Variants in RPGRIP1L observed in about 807,000 individuals in gnomAD.
RPGRIP1L encodes the protein protein fantom.
Under a neutral mutation model 160.4 loss-of-function variants are expected in RPGRIP1L, and 131 were observed. The ratio of observed to expected loss-of-function variants is 0.82; its 90% CI spans 0.71 to 0.94. RPGRIP1L has a LOEUF of 0.94. RPGRIP1L is among the 40% of genes least tolerant of loss of function. The pLI is 0.00. For missense variants in RPGRIP1L, 1,522 were observed against 1,535.8 expected (o/e 0.99, Z 0.15); for synonymous variants, 510 against 515.8 (o/e 0.99, Z 0.15).
intron 9 of RPGRIP1L, 105 bp downstream of exon 9, chr16:53,671,405 G>A: frequency 1.3e-6 from 1 of 741,432 alleles, no homozygotes; most frequent in Non-Finnish European, 2.4e-6. Context: ...GCTATCATTT[G>A]TTGCTAATTC....
chr16:53,623,166 G>C (rs184855156), intron 22 of RPGRIP1L, among the ~76,000 whole-genome samples: 1 of 152,190 alleles, frequency 6.6e-6, no homozygotes, highest in African/African-American at 2.4e-5. Context: ...TTCTCATGGG[G>C]GTAACTAATA....
At chr16:53,697,507 G>A (rs1178977335) in intron 2 of RPGRIP1L, among the ~76,000 whole-genome samples, 4 of 152,032 alleles carry the variant, frequency 2.6e-5, no homozygotes, top group Admixed American at 1.3e-4. Context: ...GATTGCAGGC[G>A]CACGCCGCCA....
intron 6 of RPGRIP1L, among the ~76,000 whole-genome samples, chr16:53,676,629 AATTT>A (rs945846544): frequency 6.6e-5 from 10 of 151,746 alleles, no homozygotes; most frequent in African/African-American, 2.2e-4. Context: ...AAAGTATGAT[AATTT>A]ATTTATTTAT....
At chr16:53,702,401 T>C (rs796185397) in intron 1 of RPGRIP1L, among the ~76,000 whole-genome samples, 109 of 152,326 alleles carry the variant, frequency 7.2e-4, no homozygotes, top group African/African-American at 2.6e-3. Context: ...TAATGAATTA[T>C]CCAGCCCAAA....
intron 6 of RPGRIP1L, among the ~76,000 whole-genome samples, chr16:53,684,120 T>G (rs894292392): frequency 2.6e-5 from 4 of 152,050 alleles, no homozygotes; most frequent in African/African-American, 9.7e-5. Context: ...TGTGGAGAAA[T>G]AGGAACACTT....
chr16:53,627,821 CTATT>C (rs1567810932), intron 22 of RPGRIP1L, among the ~76,000 whole-genome samples: 1 of 151,046 alleles, frequency 6.6e-6, no homozygotes, highest in Non-Finnish European at 1.5e-5. Flanking sequence ...GTACAGAATC[CTATT>C]TATATTGCAT....
chr16:53,611,307 A>C (rs1964019291), intron 24 of RPGRIP1L, among the ~76,000 whole-genome samples: 1 of 152,208 alleles, frequency 6.6e-6, no homozygotes, highest in African/African-American at 2.4e-5. Flanking sequence ...GTGCCACATC[A>C]CCGTCACTGC....
intron 24 of RPGRIP1L, among the ~76,000 whole-genome samples, chr16:53,612,410 C>A (rs896222226): frequency 4.0e-5 from 6 of 151,308 alleles, no homozygotes; most frequent in Non-Finnish European, 7.4e-5. Context: ...GTCATGCTAA[C>A]AGATCACTGG....
At chr16:53,688,510 C>T (rs1204599566) in intron 4 of RPGRIP1L, among the ~76,000 whole-genome samples, 1 of 151,972 alleles carries the variant, frequency 6.6e-6, no homozygotes, top group East Asian at 1.9e-4. Flanking sequence ...CATTTCCCTG[C>T]TGCACTTAAA....
At chr16:53,622,799 C>CCA (rs201959082) in intron 22 of RPGRIP1L, among the ~76,000 whole-genome samples, 7,715 of 135,794 alleles carry the variant, frequency 0.057, 288 homozygotes, top group African/African-American at 0.1. Context: ...AAAACAAAAA[C>CCA]CACACACACA....
At chr16:53,670,747 G>A (rs1472581921) in intron 9 of RPGRIP1L, among the ~76,000 whole-genome samples, 1 of 152,148 alleles carries the variant, frequency 6.6e-6, no homozygotes, top group Non-Finnish European at 1.5e-5. Context: ...AAGCTGGGGA[G>A]TCTAAGAAAG....
intron 22 of RPGRIP1L, among the ~76,000 whole-genome samples, chr16:53,631,710 A>C (rs1391939184): frequency 6.6e-6 from 1 of 152,116 alleles, no homozygotes; most frequent in African/African-American, 2.4e-5. Context: ...AAAGTTTTAC[A>C]TCTCTCAGAA....
chr16:53,636,375 T>C (rs1286764765), intron 22 of RPGRIP1L, 64 bp downstream of exon 22: 2 of 1,065,414 alleles, frequency 1.9e-6, no homozygotes, highest in East Asian at 2.4e-5. Flanking sequence ...GAAGACTACA[T>C]ATGTACTGTG....
At chr16:53,632,888 C>T (rs1156419734) in intron 22 of RPGRIP1L, among the ~76,000 whole-genome samples, 1 of 152,148 alleles carries the variant, frequency 6.6e-6, no homozygotes, top group East Asian at 1.9e-4. Context: ...ACTTAGGGAC[C>T]CCTTCTGAAT....
chr16:53,673,824 T>C (rs1968943271), intron 7 of RPGRIP1L, among the ~76,000 whole-genome samples: 1 of 152,122 alleles, frequency 6.6e-6, no homozygotes, highest in South Asian at 2.1e-4. Flanking sequence ...ACTGAGGCTG[T>C]TGGGCTTAAC....
intron 25 of RPGRIP1L, among the ~76,000 whole-genome samples, chr16:53,610,341 A>C (rs1313108598): frequency 6.6e-6 from 1 of 152,204 alleles, no homozygotes; most frequent in East Asian, 1.9e-4. Context: ...TAATGAAATG[A>C]TGGCTTATTA....
At position 53,599,285 on chromosome 16, in the gene RPGRIP1L, T is replaced by TA. The variant is rs1195762922; in HGVS notation, c.*2790dup. On this transcript the variant is annotated 3_prime_UTR_variant, in exon 27 of 27. Transcript: ENST00000647211. ...ATTAAACATATTCTTTATGTATTTT[T>TA]AAAAAAACTAATTTAAGTTAAATGG... 1 of 152,224 alleles carries TA rather than the reference T, an allele frequency of 6.6e-6. No individual in the cohort carries two copies. The allele number at this position is 152,224 out of a possible 1,614,324, so 9.4% of individuals were successfully genotyped here.
At chr16:53,611,813 G>T (rs1163317710) in intron 24 of RPGRIP1L, among the ~76,000 whole-genome samples, 1 of 152,224 alleles carries the variant, frequency 6.6e-6, no homozygotes, top group East Asian at 1.9e-4. Flanking sequence ...TTTGTTCTCA[G>T]TTCGGCAGAC....
intron 6 of RPGRIP1L, among the ~76,000 whole-genome samples, chr16:53,679,563 G>T (rs1030846810): frequency 3.6e-5 from 5 of 137,684 alleles, no homozygotes; most frequent in Non-Finnish European, 8.2e-5. Flanking sequence ...ACCACACCTG[G>T]CAGGAATCTG....
Sources: allele counts gnomAD v4.1 joint callset (sites outside exome capture counted in the v4.1 genomes callset), GRCh38; gene constraint gnomAD v4.1.1; transcripts MANE v1.5; gene names NCBI Gene and HGNC (gene_info 2026-07-23, HGNC 2026-07-21).